Variants in ZBTB46 observed in about 807,000 individuals in gnomAD.
ZBTB46 encodes zinc finger and BTB domain-containing protein 46.
ZBTB46 carries 8 observed loss-of-function variants against 44.1 expected under a neutral mutation model. That is an observed-to-expected ratio of 0.18 (90% CI 0.11 to 0.33). ZBTB46 has a LOEUF of 0.33. Ranked by LOEUF, ZBTB46 falls within the 10% of genes least tolerant of loss-of-function variation. The pLI, the probability that ZBTB46 is intolerant of heterozygous loss-of-function variation, is 1.00. For missense variants in ZBTB46, 651 were observed against 847.7 expected, an observed-to-expected ratio of 0.77 and a Z score of 2.88; for synonymous variants, 409 against 382.3, an observed-to-expected ratio of 1.07 and a Z score of -0.81.
intron 3 of ZBTB46, among the ~76,000 whole-genome samples, chr20:63,769,675 G>A (rs1249985675): frequency 1.3e-5 from 2 of 152,178 alleles, no homozygotes; most frequent in Non-Finnish European, 2.9e-5. Context: ...CTGGACTGCA[G>A]AAATGCTCTC....
At chr20:63,825,686 A>G (rs996701936) in intron 1 of ZBTB46, among the ~76,000 whole-genome samples, 1 of 152,186 alleles carries the variant, frequency 6.6e-6, no homozygotes. Context: ...TCCACAGCCC[A>G]GAAATCAACA....
chr20:63,831,324 C>A (rs2092850778), upstream of ZBTB46: 1 of 139,480 alleles, frequency 7.2e-6, no homozygotes, highest in Non-Finnish European at 1.6e-5. Context: ...GCCCCGCCCG[C>A]GGACCCTGAC....
At chr20:63,801,737 G>A (rs569692152) in intron 1 of ZBTB46, among the ~76,000 whole-genome samples, 9 of 152,130 alleles carry the variant, frequency 5.9e-5, no homozygotes, top group East Asian at 1.9e-4. Context: ...CAGACACGCC[G>A]CCTTTAAGAA....
At chr20:63,765,219 C>T (rs2145819053) in intron 3 of ZBTB46, among the ~76,000 whole-genome samples, 1 of 152,002 alleles carries the variant, frequency 6.6e-6, no homozygotes, top group Non-Finnish European at 1.5e-5. Context: ...GGATTTTGCC[C>T]CTCAAGTCCC....
chr20:63,815,551 G>T (rs527419144), intron 1 of ZBTB46, among the ~76,000 whole-genome samples: 4 of 101,434 alleles, frequency 3.9e-5, no homozygotes, highest in Admixed American at 9.9e-5. Flanking sequence ...GGGTGCAGGT[G>T]CAGTGGGTGC....
At chr20:63,762,660 A>G (rs1366819315) in intron 3 of ZBTB46, among the ~76,000 whole-genome samples, 2 of 106,074 alleles carry the variant, frequency 1.9e-5, no homozygotes, top group East Asian at 4.0e-4. Context: ...CAAAAAACAA[A>G]CAAACAAACA....
chr20:63,761,831 T>A (rs948935671), intron 3 of ZBTB46, among the ~76,000 whole-genome samples: 5 of 151,918 alleles, frequency 3.3e-5, no homozygotes, highest in Admixed American at 6.6e-5. Flanking sequence ...ATTCTTTGAC[T>A]TGAGGGTTGT....
chr20:63,810,625 AAT>A (rs1335019349), intron 1 of ZBTB46, among the ~76,000 whole-genome samples: 18 of 152,294 alleles, frequency 1.2e-4, no homozygotes, highest in African/African-American at 4.3e-4. Context: ...ACGCACCTAT[AAT>A]CCCAGCTACT....
At chr20:63,823,572 G>A (rs1363473553) in intron 1 of ZBTB46, among the ~76,000 whole-genome samples, 2 of 151,892 alleles carry the variant, frequency 1.3e-5, no homozygotes, top group African/African-American at 2.4e-5. Context: ...GTGGTGGTGC[G>A]TGCTTGTAGT....
chr20:63,812,613 A>G (rs970699298), intron 1 of ZBTB46, among the ~76,000 whole-genome samples: 1 of 152,020 alleles, frequency 6.6e-6, no homozygotes, highest in Admixed American at 6.6e-5. Context: ...CGTCCCTAGT[A>G]AAAGAAATAC....
intron 3 of ZBTB46, among the ~76,000 whole-genome samples, chr20:63,772,716 C>T (rs529282785): frequency 2.7e-4 from 36 of 132,282 alleles, no homozygotes; most frequent in Admixed American, 2.7e-3. Context: ...GAGACCCTGT[C>T]TCAAAAACAC....
upstream of ZBTB46, among the ~76,000 whole-genome samples, chr20:63,833,715 G>GGACA (rs1225192788): frequency 2.0e-5 from 3 of 152,190 alleles, no homozygotes; most frequent in African/African-American, 7.2e-5. Context: ...GCCAGTGACG[G>GGACA]GACAGAGACT....
intron 1 of ZBTB46, among the ~76,000 whole-genome samples, chr20:63,819,252 T>C (rs2146076872): frequency 6.6e-6 from 1 of 152,076 alleles, no homozygotes; most frequent in African/African-American, 2.4e-5. Context: ...AAAAATTAGG[T>C]GAAGTACAAA....
At chr20:63,829,029 G>A (rs2092834129) in intron 1 of ZBTB46, among the ~76,000 whole-genome samples, 1 of 152,226 alleles carries the variant, frequency 6.6e-6, no homozygotes. Flanking sequence ...TTCAGTGTTT[G>A]TAAATAGTAC....
In ZBTB46 at chr20:63,766,984, TG is replaced by T. The variant is rs1232424065; in HGVS notation, c.1222+8693del. ...CTATCCCCCTCCTGAGCCCACCTGC[TG>T]CTCTGGGTCCCTGGAGCCCACCAAG... is the stretch of plus-strand genomic sequence containing the variant. On this transcript the variant is annotated intron_variant, in intron 3 of 4. Coordinates refer to ENST00000245663, the MANE Select transcript of ZBTB46 (RefSeq NM_001369741.1). Among the ~76,000 whole-genome samples the T allele has an allele frequency of 2.0e-5, 3 of 152,316 alleles. No homozygotes were observed. The East Asian group carries it at 5.8e-4, about 29-fold the overall frequency.
intron 2 of ZBTB46, among the ~76,000 whole-genome samples, chr20:63,781,913 G>A (rs1247929070): frequency 6.6e-6 from 1 of 151,490 alleles, no homozygotes; most frequent in East Asian, 1.9e-4. Flanking sequence ...GTGAAACCTC[G>A]TCTCTACTAA....
intron 1 of ZBTB46, among the ~76,000 whole-genome samples, chr20:63,791,856 G>A (rs557411173): frequency 6.6e-6 from 1 of 152,190 alleles, no homozygotes; most frequent in Non-Finnish European, 1.5e-5. Flanking sequence ...ACTCAGGGAT[G>A]TGAGTCCTCC....
chr20:63,776,769 A>T (rs1178895560), intron 2 of ZBTB46, among the ~76,000 whole-genome samples: 1 of 150,706 alleles, frequency 6.6e-6, no homozygotes, highest in African/African-American at 2.4e-5. Context: ...ACACCACTGC[A>T]CTCTAGCCTG....
At chr20:63,796,239 G>C (rs1431813502) in intron 1 of ZBTB46, among the ~76,000 whole-genome samples, 1 of 152,234 alleles carries the variant, frequency 6.6e-6, no homozygotes, top group African/African-American at 2.4e-5. Flanking sequence ...TGATTCAGGC[G>C]GTAGTGTGTC....
Sources: allele counts gnomAD v4.1 joint callset (sites outside exome capture counted in the v4.1 genomes callset), GRCh38; gene constraint gnomAD v4.1.1; transcripts MANE v1.5; gene names NCBI Gene and HGNC (gene_info 2026-07-23, HGNC 2026-07-21).